NECTIN3: variants seen among roughly 807,000 people sequenced by gnomAD.
The protein encoded by NECTIN3 is nectin-3.
A neutral mutation model predicts 49.4 loss-of-function variants in NECTIN3; 8 were observed. The ratio of observed to expected loss-of-function variants is 0.16; its 90% CI spans 0.10 to 0.29. The LOEUF is 0.29. Ranked by LOEUF, NECTIN3 falls within the 10% of genes least tolerant of loss-of-function variation. The pLI is 1.00. For synonymous variants in NECTIN3, 277 were observed against 241.1 expected, an observed-to-expected ratio of 1.15 and a Z score of -1.38; for missense variants, 581 against 654.6, an observed-to-expected ratio of 0.89 and a Z score of 1.23.
intron 4 of NECTIN3, among the ~76,000 whole-genome samples, chr3:111,123,385 A>C (rs546105595): frequency 6.6e-6 from 1 of 152,054 alleles, no homozygotes; most frequent in East Asian, 1.9e-4. Flanking sequence ...TTGGTTGTTT[A>C]GTCTTTCACA....
intron 7 of NECTIN3, among the ~76,000 whole-genome samples, chr3:111,165,042 T>A (rs144978215): frequency 1.0e-3 from 154 of 152,156 alleles, no homozygotes; most frequent in Non-Finnish European, 2.0e-3. Flanking sequence ...TTTTTTTATT[T>A]TTTATTTATT....
intron 7 of NECTIN3, among the ~76,000 whole-genome samples, chr3:111,164,448 T>C (rs1559814987): frequency 1.3e-5 from 2 of 152,162 alleles, no homozygotes; most frequent in Non-Finnish European, 1.5e-5. Flanking sequence ...GCAAATACTG[T>C]GACTGAAATA....
chr3:111,125,071 C>G (rs1436993141), intron 4 of NECTIN3, among the ~76,000 whole-genome samples: 1 of 141,490 alleles, frequency 7.1e-6, no homozygotes, highest in Non-Finnish European at 1.5e-5. Context: ...CCCTGTCACC[C>G]AGGCTAGAGT....
Position 111,134,173 on chromosome 3 carries a change from T to C in NECTIN3, c.1608T>C (p.His536=), listed in dbSNP as rs976389524. 6.8e-6 allele frequency: 11 copies of C among 1,610,308 alleles called. No homozygotes were observed. The African/African-American group carries it at 1.1e-4, about 16-fold the overall frequency. ...YDENEDDLVS[H]VDGSVISRRE... ...AAAACGAAGATGACTTAGTTTCACA[T>C]GTAGATGGTTCCGTAATTTCCAGGA... Residue 536 remains histidine (H), a synonymous_variant, in exon 6 of 6, where the codon CAT becomes CAC. Coordinates refer to ENST00000485303, the MANE Select transcript of NECTIN3 (RefSeq NM_015480.3).
intron 1 of NECTIN3, among the ~76,000 whole-genome samples, chr3:111,087,427 C>T (rs1325706824): frequency 6.6e-6 from 1 of 152,052 alleles, no homozygotes; most frequent in Non-Finnish European, 1.5e-5. Context: ...CCAAGGCTGG[C>T]GTATCACTGG....
At chr3:111,130,873 C>T (rs887183694) in intron 5 of NECTIN3, among the ~76,000 whole-genome samples, 7 of 152,008 alleles carry the variant, frequency 4.6e-5, no homozygotes, top group Admixed American at 2.0e-4. Context: ...ATATTTTTCC[C>T]TTAACTAATA....
rs1404164320 is a variant in NECTIN3 at position 111,134,691 on chromosome 3, TA to T, written c.*477del. ...AACTAATTCAAGAAATATTTATATA[TA>T]TTTTTTAATATACAAAAAATATTTA... On this transcript the variant is annotated 3_prime_UTR_variant, in exon 6 of 6. Transcript: ENST00000485303. 4 of 852,786 alleles carry T rather than the reference TA, an allele frequency of 4.7e-6. No homozygotes were observed. The highest frequency in any genetic ancestry group is 5.6e-6 in the Non-Finnish European group (4 of 709,534). The allele number at this position is 852,786 out of a possible 1,614,324, so 52.8% of individuals were successfully genotyped here.
At chr3:111,093,408 G>GT (rs559653597) in intron 1 of NECTIN3, among the ~76,000 whole-genome samples, 64 of 141,284 alleles carry the variant, frequency 4.5e-4, no homozygotes, top group African/African-American at 1.5e-3. Context: ...AATGTGTGTG[G>GT]TTTTTTTATT....
intron 3 of NECTIN3, among the ~76,000 whole-genome samples, chr3:111,121,353 T>C (rs1383241527): frequency 1.3e-5 from 2 of 152,114 alleles, no homozygotes; most frequent in Non-Finnish European, 2.9e-5. Flanking sequence ...CTGGCACTTA[T>C]TAGGAGCTAA....
chr3:111,094,071 GAC>G (rs1173182096), intron 1 of NECTIN3, among the ~76,000 whole-genome samples: 1 of 151,674 alleles, frequency 6.6e-6, no homozygotes, highest in Non-Finnish European at 1.5e-5. Context: ...GAAAGGAAAA[GAC>G]AAAAACAAAC....
intron 1 of NECTIN3, among the ~76,000 whole-genome samples, chr3:111,106,905 T>C (rs992164746): frequency 6.6e-6 from 1 of 152,042 alleles, no homozygotes; most frequent in African/African-American, 2.4e-5. Context: ...AAATGTCCAA[T>C]ATGCATGCCA....
At chr3:111,072,560 A>T in intron 1 of NECTIN3, 1 of 1,535,630 alleles carries the variant, frequency 6.5e-7, no homozygotes, top group Non-Finnish European at 8.7e-7. Flanking sequence ...TCCCGGTGAA[A>T]CTTGAGCTGT....
chr3:111,125,690 GTC>G (rs548426075), intron 4 of NECTIN3, among the ~76,000 whole-genome samples: 202 of 152,222 alleles, frequency 1.3e-3, no homozygotes, highest in Admixed American at 2.0e-3. Context: ...AGAGCACAGT[GTC>G]TATTTGCATT....
intron 7 of NECTIN3, among the ~76,000 whole-genome samples, chr3:111,160,278 A>G (rs2035182963): frequency 2.0e-5 from 3 of 152,218 alleles, no homozygotes. Flanking sequence ...GTCAATTCAG[A>G]CATCTTCCAT....
chr3:111,072,150 C>A lies in NECTIN3; in HGVS notation c.133C>A (p.Pro45Thr). The A allele has an allele frequency of 6.4e-7, 1 of 1,552,350 alleles. No individual in the cohort carries two copies. Residue 45 changes from proline (P) to threonine (T), a missense_variant, in exon 1 of 6, where the codon CCG (proline) becomes ACG (threonine). Physicochemically the swap from Pro to Thr is conservative, Grantham distance 38. Around this residue, in one of 3 missense-constraint regions of NECTIN3, gnomAD observed 109 missense variants for 69.1 expected, o/e 1.58. Transcript: ENST00000485303. ...TPPPLLLLLFPLLLFSRLCGA... is the reference protein window; with the variant it reads ...TPPPLLLLLFTLLLFSRLCGA... Reference sequence around the variant, plus strand: ...ACCTCCGCTGCTGCTGCTGCTCTTCCCGCTGCTGCTCTTCTCCAGGCTCTG... The same window carrying A: ...ACCTCCGCTGCTGCTGCTGCTCTTCACGCTGCTGCTCTTCTCCAGGCTCTG...
At chr3:111,157,588 T>C (rs897663404) in intron 7 of NECTIN3, among the ~76,000 whole-genome samples, 4 of 152,126 alleles carry the variant, frequency 2.6e-5, no homozygotes, top group African/African-American at 9.6e-5. Context: ...CACAAGAAGA[T>C]AGACTAGAAT....
intron 7 of NECTIN3, among the ~76,000 whole-genome samples, chr3:111,163,223 G>C (rs934957083): frequency 1.3e-5 from 2 of 152,166 alleles, no homozygotes; most frequent in Non-Finnish European, 2.9e-5. Context: ...TCTCCAGCAT[G>C]GTAGCTTCCT....
chr3:111,104,494 A>C (rs79114637), intron 1 of NECTIN3, among the ~76,000 whole-genome samples: 1 of 150,620 alleles, frequency 6.6e-6, no homozygotes, highest in South Asian at 2.1e-4. Flanking sequence ...CTAATTTTTT[A>C]TTTTTCGTAG....
At chr3:111,082,947 G>A (rs556544737) in intron 1 of NECTIN3, among the ~76,000 whole-genome samples, 75 of 152,284 alleles carry the variant, frequency 4.9e-4, no homozygotes, top group Non-Finnish European at 9.1e-4. Context: ...GCAGTTCTCA[G>A]TAGGGTTCGT....
Sources: gnomAD v4.1 joint callset for allele counts (sites outside exome capture counted in the v4.1 genomes callset) on GRCh38, gnomAD v4.1.1 for gene constraint, gnomAD v4.1.1 regional missense constraint, MANE v1.5 for transcripts, NCBI Gene and HGNC (gene_info 2026-07-23, HGNC 2026-07-21) for gene names.